The following GRIN2A variants were observed in gnomAD, a reference collection of about 807,000 sequenced individuals.
GRIN2A encodes the protein glutamate ionotropic receptor NMDA type subunit 2A.
In GRIN2A, 22 loss-of-function variants were observed where a neutral mutation model predicts 113.4. The observed-to-expected ratio is 0.19, with a 90% CI of 0.14 to 0.28. The LOEUF is 0.28. GRIN2A is among the 10% of genes least tolerant of loss of function. The pLI is 1.00. For missense variants in GRIN2A, 1,502 were observed against 1,887.0 expected (o/e 0.80, Z 3.78); for synonymous variants, 827 against 738.4 (o/e 1.12, Z -1.94).
intron 2 of GRIN2A, among the ~76,000 whole-genome samples, chr16:9,988,049 G>C (rs2046012440): frequency 6.6e-6 from 1 of 152,086 alleles, no homozygotes; most frequent in Non-Finnish European, 1.5e-5. Context: ...ATAAGCCCAA[G>C]ATGCAAACCC....
chr16:9,849,700 T>A, intron 5 of GRIN2A, 56 bp downstream of exon 5: 1 of 1,226,186 alleles, frequency 8.2e-7, no homozygotes, highest in Non-Finnish European at 1.2e-6. Flanking sequence ...CTATCGATGA[T>A]CCATGCTATT....
intron 2 of GRIN2A, among the ~76,000 whole-genome samples, chr16:9,959,071 G>A (rs189507553): frequency 2.0e-4 from 31 of 152,222 alleles, no homozygotes; most frequent in Non-Finnish European, 3.7e-4. Context: ...CAACTGCTAG[G>A]AGCCTCTGAG....
chr16:9,811,644 C>A (rs777135080), intron 10 of GRIN2A, among the ~76,000 whole-genome samples: 1 of 152,120 alleles, frequency 6.6e-6, no homozygotes, highest in Non-Finnish European at 1.5e-5. Context: ...TTTGTGGTCC[C>A]AGTACTCGGG....
At chr16:9,789,030 C>A (rs1902425771) in intron 11 of GRIN2A, among the ~76,000 whole-genome samples, 1 of 152,210 alleles carries the variant, frequency 6.6e-6, no homozygotes, top group Non-Finnish European at 1.5e-5. Flanking sequence ...GTGTGAGCCA[C>A]TGCACCCAGC....
chr16:10,081,293 C>T (rs1056727329), intron 2 of GRIN2A, among the ~76,000 whole-genome samples: 8 of 152,176 alleles, frequency 5.3e-5, no homozygotes, highest in African/African-American at 1.9e-4. Flanking sequence ...GCCTGGTTTC[C>T]TTTGTTCTCA....
chr16:9,924,528 A>T (rs1466365700), intron 3 of GRIN2A, among the ~76,000 whole-genome samples: 1 of 152,170 alleles, frequency 6.6e-6, no homozygotes, highest in Admixed American at 6.5e-5. Context: ...AAATTTGATT[A>T]TGCTATGTCT....
Position 9,764,944 on chromosome 16 carries a change from A to G in GRIN2A, c.2600T>C (p.Ile867Thr). The G allele has an allele frequency of 6.2e-7, 1 of 1,614,136 alleles. No individual in the cohort carries two copies. Among genetic ancestry groups the G allele is most frequent in the Non-Finnish European group, 8.5e-7 (1 of 1,180,000 alleles). Reference sequence around the variant, plus strand: ...GTGCACTCCATGAATGCAGCTGTAGATGCCCTGTAGGGGAGCAACATAAAG... The same window carrying G: ...GTGCACTCCATGAATGCAGCTGTAGGTGCCCTGTAGGGGAGCAACATAAAG... ...PGLLFSISRG[I>T]YSCIHGVHIE... The change falls in exon 13 of 13, where the codon ATC becomes ACC. Residue 867 changes from isoleucine (I) to threonine (T), a missense_variant. Physicochemically the swap from Ile to Thr is moderately conservative, Grantham distance 89 (BLOSUM62 -1). This residue lies in a region of GRIN2A where 832 missense variants were observed against 789.7 expected (regional missense o/e 1.05). Coordinates refer to ENST00000330684, the MANE Select transcript of GRIN2A (RefSeq NM_001134407.3).
chr16:9,754,721 A>G lies in GRIN2A; in HGVS notation c.*8428T>C, dbSNP rs1567267468. ...CTTGACTGAGAACAGAAATAATTAA[A>G]TAAGTCTTAGATGGCTAATGTAGAA... On this transcript the variant is annotated 3_prime_UTR_variant, in exon 13 of 13. Transcript: ENST00000330684. 1 of 219,342 alleles carries G rather than the reference A, an allele frequency of 4.6e-6. No homozygotes were observed. Among genetic ancestry groups the G allele is most frequent in the South Asian group, 1.9e-4 (1 of 5,392 alleles). 13.6% of individuals were successfully genotyped at this position (219,342 alleles called of 1,614,324 possible).
rs1219268580 is a variant in GRIN2A, at chr16:9,756,074, T to G, written c.*7075A>C. On this transcript the variant is annotated 3_prime_UTR_variant, in exon 13 of 13. Transcript: ENST00000330684. ...TCAACTTGCAAATAATATCACCTCT[T>G]TGAACATGGGTCACAATATTTAGGA... 8.9e-6 allele frequency: 2 copies of G among 224,456 alleles called. No homozygotes were observed. The highest frequency in any genetic ancestry group is 4.5e-5 in the African/African-American group (2 of 44,808). 13.9% of individuals were successfully genotyped at this position (224,456 alleles called of 1,614,324 possible).
chr16:9,781,000 T>A (rs1901905488), intron 11 of GRIN2A, among the ~76,000 whole-genome samples: 1 of 151,826 alleles, frequency 6.6e-6, no homozygotes, highest in South Asian at 2.1e-4. Flanking sequence ...TAATCTTTTT[T>A]TTTTTTTATG....
intron 2 of GRIN2A, among the ~76,000 whole-genome samples, chr16:10,142,070 T>C (rs1173142925): frequency 6.6e-6 from 1 of 152,182 alleles, no homozygotes; most frequent in African/African-American, 2.4e-5. Context: ...GCAAAATTCT[T>C]CCAGGCTACC....
chr16:9,777,638 C>T (rs933645686), intron 11 of GRIN2A, among the ~76,000 whole-genome samples: 3 of 152,208 alleles, frequency 2.0e-5, no homozygotes, highest in Admixed American at 6.5e-5. Context: ...ATTTCTGCTC[C>T]ATGGATGAAA....
At chr16:10,017,883 T>A (rs2046640556) in intron 2 of GRIN2A, among the ~76,000 whole-genome samples, 1 of 152,228 alleles carries the variant, frequency 6.6e-6, no homozygotes, top group Non-Finnish European at 1.5e-5. Flanking sequence ...TTGCCCAACC[T>A]TAGTCTCAGC....
In GRIN2A at chr16:9,841,059, C is replaced by T. The variant is rs368221866; in HGVS notation, c.1374G>A (p.Gly458=). The change falls in exon 6 of 13, where the codon GGG becomes GGA. Residue 458 remains glycine, a synonymous_variant. Transcript: ENST00000330684. ...GCTTCTTCAGAATATCAATGCAGAA[C>T]CCCTTGCAGCATTTCTTCACATTCA... ...EGMNVKKCCK[G]FCIDILKKLS... 6.8e-6 allele frequency: 11 copies of T among 1,613,696 alleles called. No homozygotes were observed. The highest frequency in any genetic ancestry group is 1.1e-5 in the South Asian group (1 of 91,084).
At chr16:9,859,840 T>A (rs1289591108) in intron 4 of GRIN2A, among the ~76,000 whole-genome samples, 1 of 152,110 alleles carries the variant, frequency 6.6e-6, no homozygotes, top group East Asian at 1.9e-4. Context: ...TAATTCTCCA[T>A]CTGGAATTCA....
intron 2 of GRIN2A, among the ~76,000 whole-genome samples, chr16:10,076,645 G>C (rs72774156): frequency 0.089 from 13,534 of 152,204 alleles, 685 homozygotes; most frequent in Non-Finnish European, 0.11. Context: ...AGGAGGAAAA[G>C]ACCCAAGTTC....
chr16:10,129,433 T>A (rs2049017050), intron 2 of GRIN2A, among the ~76,000 whole-genome samples: 1 of 151,808 alleles, frequency 6.6e-6, no homozygotes, highest in Non-Finnish European at 1.5e-5. Context: ...TAGGAGAAAA[T>A]GAAGCTGAGT....
intron 2 of GRIN2A, among the ~76,000 whole-genome samples, chr16:10,178,198 GCC>G (rs1353225296): frequency 2.6e-5 from 4 of 152,160 alleles, no homozygotes; most frequent in African/African-American, 9.7e-5. Flanking sequence ...CTCCCTCAAT[GCC>G]TTCTTTAGAA....
In GRIN2A at chr16:9,759,346, T is replaced by A. The variant is rs1260112367; in HGVS notation, c.*3803A>T. On this transcript the variant is annotated 3_prime_UTR_variant, in exon 13 of 13. Coordinates refer to ENST00000330684, the MANE Select transcript of GRIN2A (RefSeq NM_001134407.3). ...TTCTATTTGCAAATAATTCAGGGCA[T>A]TTGTCATTTCCTGTGAAGGATGCAG... 2 of 223,964 alleles carry A rather than the reference T, an allele frequency of 8.9e-6. No homozygotes were observed. Among genetic ancestry groups the A allele is most frequent in the Admixed American group, 5.7e-5 (1 of 17,506 alleles). 13.9% of individuals were successfully genotyped at this position (223,964 alleles called of 1,614,324 possible).
Sources: gnomAD v4.1 joint callset for allele counts (sites outside exome capture counted in the v4.1 genomes callset) on GRCh38, gnomAD v4.1.1 for gene constraint, gnomAD v4.1.1 regional missense constraint, MANE v1.5 for transcripts, NCBI Gene and HGNC (gene_info 2026-07-23, HGNC 2026-07-21) for gene names.